The following CDS2 variants were observed in gnomAD, a reference collection of about 807,000 sequenced individuals.
CDS2 encodes CDP-diacylglycerol synthase 2.
A neutral mutation model predicts 59.0 loss-of-function variants in CDS2; 47 were observed. The ratio of observed to expected loss-of-function variants is 0.80; its 90% CI spans 0.63 to 1.02. The LOEUF is 1.02. CDS2 is among the 50% of genes least tolerant of loss of function. The probability of loss-of-function intolerance (pLI) is 0.00; values close to 1 mark genes in which losing one functional copy is unlikely to be tolerated. For synonymous variants in CDS2, 207 were observed against 206.4 expected (o/e 1.00, Z -0.02); for missense variants, 356 against 558.9 (o/e 0.64, Z 3.66).
At chr20:5,179,654 T>C (rs1204771803) in intron 5 of CDS2, among the ~76,000 whole-genome samples, 1 of 152,208 alleles carries the variant, frequency 6.6e-6, no homozygotes, top group African/African-American at 2.4e-5. Context: ...TGGTGGAAAT[T>C]TTACTGGATT....
At chr20:5,134,274 C>T (rs1008096005) in intron 1 of CDS2, among the ~76,000 whole-genome samples, 8 of 152,172 alleles carry the variant, frequency 5.3e-5, no homozygotes, top group African/African-American at 9.7e-5. Context: ...GCATGAGAAC[C>T]ATTTGTTCTA....
In CDS2 at chr20:5,184,036, C is replaced by T. The variant is rs1231783415; in HGVS notation, c.672-822C>T. ...AGCTGGTGTGGTGGCGTGGCAGGTG[C>T]CTGTAATCCTAGCTATTCCGGAGGC... On this transcript the variant is annotated intron_variant, in intron 7 of 12. Coordinates refer to ENST00000460006, the MANE Select transcript of CDS2 (RefSeq NM_003818.4). The surrounding 1 kb of genome is among the most constrained non-coding windows in gnomAD (Gnocchi z 4.3). Among the ~76,000 whole-genome samples, 1 of 152,110 alleles carries T rather than the reference C, an allele frequency of 6.6e-6. No individual in the cohort carries two copies. Among genetic ancestry groups the T allele is most frequent in the African/African-American group, 2.4e-5 (1 of 41,410 alleles).
chr20:5,166,247 C>T (rs976590503), intron 1 of CDS2, among the ~76,000 whole-genome samples: 1 of 152,092 alleles, frequency 6.6e-6, no homozygotes, highest in African/African-American at 2.4e-5. Context: ...GTAGCATGAA[C>T]AAGCTTGGTG....
chr20:5,161,250 G>A (rs2123015118), intron 1 of CDS2, among the ~76,000 whole-genome samples: 1 of 152,234 alleles, frequency 6.6e-6, no homozygotes, highest in African/African-American at 2.4e-5. Context: ...TTTGAAAATA[G>A]CCACTCTAGT....
chr20:5,148,184 G>C lies in CDS2; in HGVS notation c.57+21035G>C, dbSNP rs2090759125. Among the ~76,000 whole-genome samples, 3 of 152,176 alleles carry C rather than the reference G, an allele frequency of 2.0e-5. No individual in the cohort carries two copies. The South Asian group carries it at 6.2e-4, about 32-fold the overall frequency. ...GTTATTGCAGCTGCACCCCCTTCCT[G>C]CCATTGCAACAGAAATATCTCCTCC... On this transcript the variant is annotated intron_variant, in intron 1 of 12. Coordinates refer to ENST00000460006, the MANE Select transcript of CDS2 (RefSeq NM_003818.4).
Position 5,160,618 on chromosome 20 carries a change from C to T in CDS2, c.58-12905C>T, listed in dbSNP as rs576468454. On this transcript the variant is annotated intron_variant, in intron 1 of 12. Coordinates refer to ENST00000460006, the MANE Select transcript of CDS2 (RefSeq NM_003818.4). ...GTGTATGGTTCTATGGCATTGAGTACGTTAACATTGTTTTGCAACTGTCAC... is the reference window on the plus strand; with the variant it reads ...GTGTATGGTTCTATGGCATTGAGTATGTTAACATTGTTTTGCAACTGTCAC... Among the ~76,000 whole-genome samples the T allele has an allele frequency of 4.6e-5, 7 of 152,276 alleles. No homozygotes were observed. In the East Asian group the frequency reaches 1.2e-3, roughly 25 times the overall value.
intron 9 of CDS2, among the ~76,000 whole-genome samples, chr20:5,186,241 ACTGT>A (rs1386376920): frequency 6.6e-6 from 1 of 152,154 alleles, no homozygotes; most frequent in African/African-American, 2.4e-5. Context: ...CTTCTTCAGC[ACTGT>A]CTGGCTGCCC....
At chr20:5,130,264 C>T (rs927658846) in intron 1 of CDS2, among the ~76,000 whole-genome samples, 44 of 152,010 alleles carry the variant, frequency 2.9e-4, no homozygotes, top group African/African-American at 9.9e-4. Context: ...TGTGAGCCAC[C>T]GTGCCCGGCC....
rs150133412 is a variant in CDS2 at position 5,175,689 on chromosome 20, G to A, written c.291+410G>A. The A allele has an allele frequency of 7.1e-4, 120 of 168,612 alleles. 3 individuals carry two copies. The East Asian group carries it at 0.021, about 29-fold the overall frequency. 10.4% of individuals were successfully genotyped at this position (168,612 alleles called of 1,614,324 possible). On this transcript the variant is annotated intron_variant, in intron 3 of 12. Transcript: ENST00000460006. ...TAATCCCAGCTACTCAGGGGGCTGA[G>A]GCAGGAGAATCCCTTGAACCTGGGA...
At chr20:5,186,901 C>T (rs891173800) in intron 10 of CDS2, 62 bp downstream of exon 10, 2 of 1,560,854 alleles carry the variant, frequency 1.3e-6, no homozygotes, top group African/African-American at 1.4e-5. Flanking sequence ...GAGAGATCCC[C>T]CTCCATCACC....
At chr20:5,131,149 C>T (rs909099956) in intron 1 of CDS2, among the ~76,000 whole-genome samples, 9 of 149,364 alleles carry the variant, frequency 6.0e-5, no homozygotes, top group Non-Finnish European at 1.2e-4. Context: ...CAAAATGTTA[C>T]AGTTGCTTAA....
chr20:5,138,471 A>C (rs2090666163), intron 1 of CDS2, among the ~76,000 whole-genome samples: 1 of 151,944 alleles, frequency 6.6e-6, no homozygotes, highest in Admixed American at 6.6e-5. Context: ...TTTTAATTTA[A>C]TTTAATTTGT....
intron 1 of CDS2, among the ~76,000 whole-genome samples, chr20:5,148,177 C>A (rs766668780): frequency 6.6e-6 from 1 of 152,180 alleles, no homozygotes; most frequent in Non-Finnish European, 1.5e-5. Flanking sequence ...AGCTGCACCC[C>A]CTTCCTGCCA....
At chr20:5,145,236 AC>A (rs796723724) in intron 1 of CDS2, among the ~76,000 whole-genome samples, 697 of 51,898 alleles carry the variant, frequency 0.013, 6 homozygotes, top group East Asian at 0.045. Flanking sequence ...GAAAGGAAAG[AC>A]CCCCCCCCCC....
intron 7 of CDS2, 75 bp downstream of exon 7, chr20:5,183,218 G>GT: frequency 8.0e-7 from 1 of 1,248,436 alleles, no homozygotes; most frequent in East Asian, 2.4e-5. Flanking sequence ...CTCTAAGCCA[G>GT]TGGCCCTCAC....
chr20:5,179,592 A>G (rs1480720738), intron 5 of CDS2, among the ~76,000 whole-genome samples: 1 of 152,330 alleles, frequency 6.6e-6, no homozygotes, highest in East Asian at 1.9e-4. Flanking sequence ...CTAGGAACTT[A>G]CCATCTTTAG....
At chr20:5,181,864 G>A (rs2091035794) in intron 5 of CDS2, among the ~76,000 whole-genome samples, 1 of 152,188 alleles carries the variant, frequency 6.6e-6, no homozygotes. Flanking sequence ...GTACTATATG[G>A]TAATTAGTAA....
chr20:5,161,218 T>C (rs1247200614), intron 1 of CDS2, among the ~76,000 whole-genome samples: 3 of 152,242 alleles, frequency 2.0e-5, no homozygotes, highest in African/African-American at 7.2e-5. Context: ...GTACTTGTTA[T>C]TTTGGTTTTT....
intron 7 of CDS2, 129 bp downstream of exon 7, chr20:5,183,272 G>C (rs2091044448): frequency 1.4e-6 from 1 of 721,584 alleles, no homozygotes. Flanking sequence ...TTATAGCACA[G>C]ATTGCTGGAC....
Sources: allele counts gnomAD v4.1 joint callset (sites outside exome capture counted in the v4.1 genomes callset), GRCh38; gene constraint gnomAD v4.1.1; non-coding constraint Gnocchi (gnomAD v3.1); transcripts MANE v1.5; gene names NCBI Gene and HGNC (gene_info 2026-07-23, HGNC 2026-07-21).